Variants in ANK2 observed in about 807,000 individuals in gnomAD.
ANK2 encodes the protein ankyrin 2.
ANK2 carries 83 observed loss-of-function variants against 360.5 expected under a neutral mutation model. The ratio of observed to expected loss-of-function variants is 0.23; its 90% CI spans 0.19 to 0.28. The LOEUF (loss-of-function observed/expected upper bound fraction) is 0.28. Among genes scored for constraint, ANK2 ranks in the 10% least tolerant of loss-of-function variants. ANK2 has a pLI of 1.00. For missense variants in ANK2, 4,201 were observed against 4,795.7 expected (o/e 0.88, Z 3.66); for synonymous variants, 1,740 against 1,759.5 (o/e 0.99, Z 0.28).
At chr4:112,788,778 T>C in the ANK2 span, 1 of 1,427,790 alleles carries the variant, frequency 7.0e-7, no homozygotes, top group Non-Finnish European at 9.7e-7. Flanking sequence ...CTTAGGCCTT[T>C]CCTCAAACAG....
At chr4:112,929,704 T>G (rs927027570) in intron 2 of ANK2, among the ~76,000 whole-genome samples, 8 of 152,154 alleles carry the variant, frequency 5.3e-5, no homozygotes, top group African/African-American at 1.9e-4. Flanking sequence ...CAATGAGTGA[T>G]TGTTCTTGCA....
At chr4:113,344,856 T>A (rs975897541) in intron 34 of ANK2, among the ~76,000 whole-genome samples, 6 of 152,090 alleles carry the variant, frequency 3.9e-5, no homozygotes, top group South Asian at 4.1e-4. Flanking sequence ...TTTTTTGACC[T>A]CTCCTCGAAG....
intron 1 of ANK2, among the ~76,000 whole-genome samples, chr4:113,133,865 A>C (rs1181232321): frequency 3.9e-5 from 6 of 152,216 alleles, no homozygotes; most frequent in African/African-American, 1.4e-4. Flanking sequence ...GTGCTTCTCC[A>C]ACTGACCTTA....
At chr4:112,992,116 C>T (rs115148989) in intron 2 of ANK2, among the ~76,000 whole-genome samples, 3,272 of 151,970 alleles carry the variant, frequency 0.022, 52 homozygotes, top group Middle Eastern at 0.037. Context: ...TAGCTTCTAC[C>T]CATTCATTAC....
chr4:112,768,705 C>T, the ANK2 span, among the ~76,000 whole-genome samples: 887 of 152,280 alleles, frequency 5.8e-3, 11 homozygotes, highest in African/African-American at 0.02. Flanking sequence ...TCTTTGTGTT[C>T]TCAGAGATCA....
chr4:112,855,807 T>C (rs190318412), intron 1 of ANK2, among the ~76,000 whole-genome samples: 306 of 152,306 alleles, frequency 2.0e-3, no homozygotes, highest in Non-Finnish European at 3.8e-3. Flanking sequence ...CTTGATGTGA[T>C]GGGGCAGCGT....
intron 2 of ANK2, among the ~76,000 whole-genome samples, chr4:113,004,930 C>T (rs540008417): frequency 1.3e-5 from 2 of 152,286 alleles, no homozygotes; most frequent in South Asian, 4.1e-4. Flanking sequence ...TCACGTGGCG[C>T]ATGACTGTAT....
At chr4:112,962,669 T>A (rs1435449191) in intron 2 of ANK2, among the ~76,000 whole-genome samples, 1 of 152,150 alleles carries the variant, frequency 6.6e-6, no homozygotes, top group Non-Finnish European at 1.5e-5. Flanking sequence ...TAACAGCGCA[T>A]AAGTGTTCAA....
intron 1 of ANK2, among the ~76,000 whole-genome samples, chr4:113,082,263 C>T (rs1469281684): frequency 3.3e-5 from 5 of 152,158 alleles, no homozygotes; most frequent in Admixed American, 3.3e-4. Context: ...ATAACTCAGG[C>T]TTCATTTGGT....
At chr4:112,914,456 A>G (rs2088965673) in intron 2 of ANK2, among the ~76,000 whole-genome samples, 1 of 152,068 alleles carries the variant, frequency 6.6e-6, no homozygotes, top group Admixed American at 6.5e-5. Context: ...CCCCGTCTCT[A>G]TTAAAAATAC....
chr4:112,842,253 G>A lies in ANK2; in HGVS notation c.-40+23989G>A, dbSNP rs182170330. Among the ~76,000 whole-genome samples the A allele has an allele frequency of 5.5e-3, 830 of 152,194 alleles. 5 individuals are homozygous for A. Among genetic ancestry groups the A allele is most frequent in the African/African-American group, 0.019 (773 of 41,538 alleles). ...TCGAAATCCTGACCTCAGGTGATCCGCCCACCTCAGCCTCCCAAAGTGCTG... is the reference window on the plus strand; with the variant it reads ...TCGAAATCCTGACCTCAGGTGATCCACCCACCTCAGCCTCCCAAAGTGCTG... On this transcript the variant is annotated intron_variant, in intron 1 of 30. Transcript: ENST00000503271.
At chr4:112,909,226 A>C (rs1277134743) in intron 2 of ANK2, among the ~76,000 whole-genome samples, 1 of 152,214 alleles carries the variant, frequency 6.6e-6, no homozygotes, top group Non-Finnish European at 1.5e-5. Flanking sequence ...GTAATCTTTG[A>C]GCCATTTCCT....
At chr4:113,119,763 T>C (rs594604) in intron 1 of ANK2, among the ~76,000 whole-genome samples, 149,510 of 152,144 alleles carry the variant, frequency 0.98, 73,480 homozygotes, top group Middle Eastern at 1. Flanking sequence ...TTATGGGGCT[T>C]GAAAGAAAAT....
In ANK2 at chr4:112,959,746, G is replaced by A. The variant is rs189016225; in HGVS notation, c.21+55232G>A. ...TGGAAGTCTTGGCAGTAAGATTAAA[G>A]AGTGGAAGTACAAGAAATGTGAGCT... On this transcript the variant is annotated intron_variant, in intron 2 of 30. Coordinates refer to the ANK2 transcript ENST00000503271. Among the ~76,000 whole-genome samples, 24 of 152,282 alleles carry A rather than the reference G, an allele frequency of 1.6e-4. No individual in the cohort carries two copies. The East Asian group carries it at 4.2e-3, about 27-fold the overall frequency.
chr4:113,029,723 T>C (rs191607485), intron 2 of ANK2, among the ~76,000 whole-genome samples: 1 of 152,202 alleles, frequency 6.6e-6, no homozygotes, highest in Admixed American at 6.5e-5. Flanking sequence ...TTCTTGTTCT[T>C]GCCAGTGCTT....
At chr4:112,727,759 A>G in the ANK2 span, among the ~76,000 whole-genome samples, 1 of 152,138 alleles carries the variant, frequency 6.6e-6, no homozygotes, top group African/African-American at 2.4e-5. Context: ...TGGGCAGATC[A>G]CCTGAGGTCG....
intron 1 of ANK2, among the ~76,000 whole-genome samples, chr4:112,821,168 G>T (rs919285217): frequency 3.9e-5 from 6 of 152,132 alleles, no homozygotes; most frequent in Admixed American, 2.6e-4. Context: ...GCCCGCCTCG[G>T]TCTCCCAAAG....
the ANK2 span, among the ~76,000 whole-genome samples, chr4:112,764,030 G>A: frequency 6.6e-6 from 1 of 151,974 alleles, no homozygotes; most frequent in Non-Finnish European, 1.5e-5. Flanking sequence ...TGCAACCTCC[G>A]CCTCCCTGGT....
chr4:112,806,020 A>G, the ANK2 span, among the ~76,000 whole-genome samples: 6 of 152,204 alleles, frequency 3.9e-5, no homozygotes, highest in East Asian at 1.9e-4. Context: ...TAACCAGGGT[A>G]TTCATTATCA....
Sources: allele counts gnomAD v4.1 joint callset (sites outside exome capture counted in the v4.1 genomes callset), GRCh38; gene constraint gnomAD v4.1.1; transcripts MANE v1.5; gene names NCBI Gene and HGNC (gene_info 2026-07-23, HGNC 2026-07-21).